SPINK8: variants seen among roughly 807,000 people sequenced by gnomAD.
SPINK8 encodes the protein serine protease inhibitor Kazal-type 8.
SPINK8 carries 12 observed loss-of-function variants against 14.4 expected under a neutral mutation model. The ratio of observed to expected loss-of-function variants is 0.83; its 90% confidence interval spans 0.53 to 1.35. The LOEUF (loss-of-function observed/expected upper bound fraction) is 1.35, where lower values mean the gene tolerates loss of function less well. Among genes scored for constraint, SPINK8 ranks in the 40% most tolerant of loss-of-function variants. The pLI is 0.00. For missense variants in SPINK8, 103 were observed against 117.0 expected, an observed-to-expected ratio of 0.88 and a Z score of 0.55; for synonymous variants, 32 against 37.6, an observed-to-expected ratio of 0.85 and a Z score of 0.55.
intron 4 of SPINK8, among the ~76,000 whole-genome samples, chr3:48,322,398 C>T (rs1458662248): frequency 4.0e-5 from 6 of 151,708 alleles, no homozygotes; most frequent in East Asian, 3.9e-4. Context: ...TGCAGTGGCG[C>T]GATCTCAGCT....
chr3:48,319,804 A>G (rs1009566568), intron 5 of SPINK8, among the ~76,000 whole-genome samples, 186 bp from the exon 6 acceptor site: 1 of 152,120 alleles, frequency 6.6e-6, no homozygotes, highest in Non-Finnish European at 1.5e-5. Context: ...TTGCAAAATA[A>G]TATATAATCT....
intron 4 of SPINK8, among the ~76,000 whole-genome samples, chr3:48,324,979 G>A (rs992808129): frequency 1.3e-5 from 2 of 152,056 alleles, no homozygotes; most frequent in African/African-American, 4.8e-5. Context: ...TTATTTTTAG[G>A]TGCATATATG....
chr3:48,307,391 CCCTT>C (rs371803513), intron 7 of SPINK8, among the ~76,000 whole-genome samples: 1,958 of 150,364 alleles, frequency 0.013, 47 homozygotes, highest in African/African-American at 0.045. Context: ...CTTCTCTTTC[CCCTT>C]CCTTCCTTCC....
chr3:48,323,083 A>G (rs898384912), intron 4 of SPINK8, among the ~76,000 whole-genome samples: 2 of 152,078 alleles, frequency 1.3e-5, no homozygotes, highest in African/African-American at 4.8e-5. Context: ...ATTTGTTACT[A>G]TCTTTCTTTT....
chr3:48,328,293 A>G lies in SPINK8; in HGVS notation c.49T>C (p.Trp17Arg). 1 of 1,611,146 alleles carries G rather than the reference A, an allele frequency of 6.2e-7. No individual in the cohort carries two copies. Among genetic ancestry groups the G allele is most frequent in the South Asian group, 1.1e-5 (1 of 90,050 alleles). ...DAILVLATSM[W>R]MAFAIDFPLP... ...AACTCACCAATTGCAAAGGCCATCC[A>G]CATGGAGGTAGCTAGAACAAGGATG... The change falls in exon 4 of 8, where the codon TGG (tryptophan) becomes CGG (arginine). Residue 17 changes from tryptophan (W) to arginine (R), a missense_variant. Physicochemically the swap from Trp to Arg is moderately radical, Grantham distance 101. Coordinates refer to ENST00000434006, the MANE Select transcript of SPINK8 (RefSeq NM_001080525.3).
chr3:48,324,929 C>T (rs2036119275), intron 4 of SPINK8, among the ~76,000 whole-genome samples: 1 of 152,134 alleles, frequency 6.6e-6, no homozygotes, highest in Admixed American at 6.5e-5. Flanking sequence ...ATCAATTTCT[C>T]CCTTCAATTC....
intron 6 of SPINK8, among the ~76,000 whole-genome samples, chr3:48,312,721 G>A (rs13095983): frequency 0.21 from 32,491 of 151,952 alleles, 4,299 homozygotes; most frequent in South Asian, 0.3. Flanking sequence ...CAATGGGGCC[G>A]GGCGTGGTGG....
At chr3:48,332,282 A>C (rs2036276077) in intron 2 of SPINK8, among the ~76,000 whole-genome samples, 84 bp downstream of exon 2, 1 of 152,132 alleles carries the variant, frequency 6.6e-6, no homozygotes, top group Non-Finnish European at 1.5e-5. Flanking sequence ...AACTGAGGCC[A>C]AGTTCTTAGT....
intron 6 of SPINK8, chr3:48,316,331 A>C (rs2035992620): frequency 6.4e-6 from 1 of 155,926 alleles, no homozygotes. Context: ...GAATCCAAAA[A>C]GCAGAAAGGG....
At chr3:48,320,541 C>A (rs1362796471) in intron 5 of SPINK8, among the ~76,000 whole-genome samples, 1 of 151,512 alleles carries the variant, frequency 6.6e-6, no homozygotes, top group Non-Finnish European at 1.5e-5. Context: ...GAGCAAGACT[C>A]CGTCTCAAAA....
chr3:48,330,380 G>A (rs946394429), intron 2 of SPINK8, among the ~76,000 whole-genome samples: 7 of 152,084 alleles, frequency 4.6e-5, no homozygotes, highest in South Asian at 2.1e-4. Flanking sequence ...TTAGCTGGGC[G>A]TGGTGGTGCG....
In SPINK8 at chr3:48,311,229, A is replaced by G. The variant is rs2035921235; in HGVS notation, c.240-1283T>C. Reference sequence around the variant, plus strand: ...ATAAAACACCCAGAAAACTAGGAATAGAAGAGAACTTCTTCAACACGATAA... The same window carrying G: ...ATAAAACACCCAGAAAACTAGGAATGGAAGAGAACTTCTTCAACACGATAA... On this transcript the variant is annotated intron_variant, in intron 6 of 7. Transcript: ENST00000434006. Among the ~76,000 whole-genome samples, 4 of 152,258 alleles carry G rather than the reference A, an allele frequency of 2.6e-5. No homozygotes were observed. The South Asian group carries it at 8.3e-4, about 31-fold the overall frequency.
chr3:48,318,967 TG>T (rs2036032696), intron 6 of SPINK8, among the ~76,000 whole-genome samples: 1 of 152,188 alleles, frequency 6.6e-6, no homozygotes, highest in Non-Finnish European at 1.5e-5. Flanking sequence ...GCTAAACAAT[TG>T]GGCGTTTCAC....
intron 6 of SPINK8, among the ~76,000 whole-genome samples, chr3:48,313,184 C>T (rs531741799): frequency 6.6e-6 from 1 of 152,036 alleles, no homozygotes; most frequent in Non-Finnish European, 1.5e-5. Flanking sequence ...AGGACATTAT[C>T]ATGAAAGTAA....
chr3:48,321,186 A>G, intron 4 of SPINK8, 112 bp from the exon 5 acceptor site: 1 of 1,032,012 alleles, frequency 9.7e-7, no homozygotes, highest in Admixed American at 2.8e-5. Flanking sequence ...AAACCCCATC[A>G]GAAGAGGCTG....
At chr3:48,321,171 G>A (rs1020027029) in intron 4 of SPINK8, 97 bp from the exon 5 acceptor site, 2 of 1,199,548 alleles carry the variant, frequency 1.7e-6, no homozygotes, top group African/African-American at 1.5e-5. Context: ...CACACAGGAA[G>A]CATCAAACCC....
At chr3:48,330,237 G>A (rs2036232620) in intron 2 of SPINK8, among the ~76,000 whole-genome samples, 1 of 152,122 alleles carries the variant, frequency 6.6e-6, no homozygotes, top group Non-Finnish European at 1.5e-5. Context: ...AATTTTAATA[G>A]GCTGGGTACT....
At chr3:48,324,263 G>T (rs2036111582) in intron 4 of SPINK8, among the ~76,000 whole-genome samples, 1 of 152,018 alleles carries the variant, frequency 6.6e-6, no homozygotes, top group African/African-American at 2.4e-5. Flanking sequence ...AAGTGAAATT[G>T]TTTTCTTAAT....
intron 7 of SPINK8, among the ~76,000 whole-genome samples, chr3:48,308,282 A>C (rs1369406219): frequency 6.6e-6 from 1 of 152,002 alleles, no homozygotes; most frequent in East Asian, 1.9e-4. Flanking sequence ...CCCAGTCTGC[A>C]TTCTTAATCT....
Sources: allele counts gnomAD v4.1 joint callset (sites outside exome capture counted in the v4.1 genomes callset), GRCh38; gene constraint gnomAD v4.1.1; transcripts MANE v1.5; gene names NCBI Gene and HGNC (gene_info 2026-07-23, HGNC 2026-07-21).